The following PDZD2 variants were observed in gnomAD, a reference collection of about 807,000 sequenced individuals.
The protein encoded by PDZD2 is PDZ domain-containing protein 2.
Under a neutral mutation model 220.7 loss-of-function variants are expected in PDZD2, and 90 were observed. The ratio of observed to expected loss-of-function variants is 0.41; its 90% CI spans 0.34 to 0.49. PDZD2 has a LOEUF of 0.49. PDZD2 is among the 20% of genes least tolerant of loss of function. The probability of loss-of-function intolerance (pLI) is 0.28; values close to 1 mark genes in which losing one functional copy is unlikely to be tolerated. For missense variants in PDZD2, 3,174 were observed against 3,608.5 expected (o/e 0.88, Z 3.08); for synonymous variants, 1,375 against 1,450.5 (o/e 0.95, Z 1.18).
chr5:31,675,352 G>A (rs960759211), intron 1 of PDZD2, among the ~76,000 whole-genome samples: 3 of 152,276 alleles, frequency 2.0e-5, no homozygotes, highest in Middle Eastern at 3.4e-3. Flanking sequence ...GGAAGGAAAG[G>A]CTGTGCTGGC....
chr5:31,900,428 C>T (rs1271596320), intron 2 of PDZD2, among the ~76,000 whole-genome samples: 2 of 152,130 alleles, frequency 1.3e-5, no homozygotes, highest in Non-Finnish European at 2.9e-5. Flanking sequence ...GCCTTCCTTA[C>T]CTGAAGGGGA....
At chr5:31,802,148 C>CA (rs1561471122) in intron 2 of PDZD2, among the ~76,000 whole-genome samples, 1 of 152,096 alleles carries the variant, frequency 6.6e-6, no homozygotes, top group Non-Finnish European at 1.5e-5. Context: ...TTTGGGATTC[C>CA]AGGTTCTCTC....
At chr5:31,831,705 G>A (rs890179537) in intron 2 of PDZD2, among the ~76,000 whole-genome samples, 7 of 149,872 alleles carry the variant, frequency 4.7e-5, no homozygotes, top group Non-Finnish European at 1.0e-4. Context: ...CCGAGATTGC[G>A]CCACTGCACT....
At chr5:31,891,752 C>G (rs528928590) in intron 2 of PDZD2, among the ~76,000 whole-genome samples, 11 of 152,130 alleles carry the variant, frequency 7.2e-5, no homozygotes, top group Non-Finnish European at 1.3e-4. Context: ...CCACTGCTCC[C>G]AATACATTTT....
At chr5:32,028,666 T>TTTTTTTTTG (rs1381412165) in intron 6 of PDZD2, among the ~76,000 whole-genome samples, 22 of 126,344 alleles carry the variant, frequency 1.7e-4, no homozygotes, top group Non-Finnish European at 3.4e-5. Flanking sequence ...CCTTCTATTT[T>TTTTTTTTTG]TTTTTTTTGT....
intron 2 of PDZD2, among the ~76,000 whole-genome samples, chr5:31,903,650 AAAAAAAAAAAAAAGAAAG>A (rs1411070073): frequency 6.7e-5 from 10 of 149,924 alleles, no homozygotes; most frequent in African/African-American, 2.4e-4. Flanking sequence ...GTCTCAAAAA[AAAAAAAAAAAAAAGAAAG>A]AAAAAAGAAA....
At chr5:31,750,590 G>A (rs931816113) in intron 1 of PDZD2, among the ~76,000 whole-genome samples, 8 of 152,152 alleles carry the variant, frequency 5.3e-5, no homozygotes, top group South Asian at 2.1e-4. Context: ...CCTGAGGGGC[G>A]CCGCTCCAGG....
chr5:32,074,842 G>A (rs1052088864), intron 18 of PDZD2, among the ~76,000 whole-genome samples, 199 bp downstream of exon 18: 5 of 149,176 alleles, frequency 3.4e-5, no homozygotes, highest in Non-Finnish European at 7.4e-5. Context: ...ATGGAGTTTC[G>A]CTCTGTCACC....
chr5:31,742,644 C>A (rs967002001), intron 1 of PDZD2, among the ~76,000 whole-genome samples: 1 of 151,722 alleles, frequency 6.6e-6, no homozygotes, highest in East Asian at 1.9e-4. Context: ...TCTGCTCTAG[C>A]ATTTGCTGGT....
intron 1 of PDZD2, among the ~76,000 whole-genome samples, chr5:31,643,761 C>T (rs1745032322): frequency 6.6e-6 from 1 of 152,050 alleles, no homozygotes; most frequent in Non-Finnish European, 1.5e-5. Flanking sequence ...AGAAAAGGAG[C>T]ATTTGACTTA....
chr5:31,879,869 T>G (rs1256660581), intron 2 of PDZD2, among the ~76,000 whole-genome samples: 1 of 151,892 alleles, frequency 6.6e-6, no homozygotes, highest in African/African-American at 2.4e-5. Context: ...GATCTGATTT[T>G]GGCTCTGCTA....
At chr5:31,671,707 A>G (rs1372789041) in intron 1 of PDZD2, among the ~76,000 whole-genome samples, 1 of 152,302 alleles carries the variant, frequency 6.6e-6, no homozygotes, top group South Asian at 2.1e-4. Context: ...CGCGGCCTCC[A>G]CTAATGCTTC....
At chr5:31,982,870 T>A (rs1030602364) in intron 2 of PDZD2, among the ~76,000 whole-genome samples, 1 of 152,192 alleles carries the variant, frequency 6.6e-6, no homozygotes, top group Non-Finnish European at 1.5e-5. Context: ...TTGGCTCTGT[T>A]CCTAGAAAAA....
At chr5:31,992,290 G>A (rs1581229563) in intron 3 of PDZD2, among the ~76,000 whole-genome samples, 2 of 152,272 alleles carry the variant, frequency 1.3e-5, no homozygotes, top group Admixed American at 1.3e-4. Context: ...ACAGATTAGT[G>A]ATTTCTGCCC....
intron 14 of PDZD2, among the ~76,000 whole-genome samples, chr5:32,063,829 A>C (rs938381541): frequency 1.3e-5 from 2 of 152,220 alleles, no homozygotes; most frequent in African/African-American, 4.8e-5. Context: ...GCTTCTATCA[A>C]ATTCTCAGTC....
rs531638417 is a variant in PDZD2, at chr5:32,080,734, C to T, written c.3682+3128C>T. Among the ~76,000 whole-genome samples the T allele has an allele frequency of 8.5e-5, 13 of 152,178 alleles. No individual in the cohort carries two copies. The East Asian group carries it at 2.5e-3, about 29-fold the overall frequency. ...TACATATACACTATGGAATACTATG[C>T]AGCCATAAAAAGGAATGAGATCATG... On this transcript the variant is annotated intron_variant, in intron 19 of 24. Transcript: ENST00000438447.
intron 1 of PDZD2, among the ~76,000 whole-genome samples, chr5:31,707,773 C>T (rs1213557152): frequency 6.6e-6 from 1 of 152,100 alleles, no homozygotes; most frequent in African/African-American, 2.4e-5. Context: ...ACTACAGGCA[C>T]CCACCACCAT....
At chr5:31,812,130 C>T (rs1394196155) in intron 2 of PDZD2, among the ~76,000 whole-genome samples, 1 of 152,098 alleles carries the variant, frequency 6.6e-6, no homozygotes, top group Admixed American at 6.6e-5. Context: ...GTCCAGATAT[C>T]CACTCCTGTG....
intron 3 of PDZD2, among the ~76,000 whole-genome samples, chr5:31,988,186 G>A (rs1288732378): frequency 1.3e-5 from 2 of 152,062 alleles, no homozygotes; most frequent in African/African-American, 2.4e-5. Flanking sequence ...GCACACACAC[G>A]CACACTGTAG....
Sources: allele counts gnomAD v4.1 joint callset (sites outside exome capture counted in the v4.1 genomes callset), GRCh38; gene constraint gnomAD v4.1.1; transcripts MANE v1.5; gene names NCBI Gene and HGNC (gene_info 2026-07-23, HGNC 2026-07-21).